The following DLG2 variants were observed in gnomAD, a reference collection of about 807,000 sequenced individuals.
The protein encoded by DLG2 is discs large MAGUK scaffold protein 2, also known as disks large homolog 2.
A neutral mutation model predicts 132.5 loss-of-function variants in DLG2; 45 were observed. That is an observed-to-expected ratio of 0.34 (90% CI 0.27 to 0.44). DLG2 has a LOEUF of 0.44. Among genes scored for constraint, DLG2 ranks in the 20% least tolerant of loss-of-function variants. DLG2 has a pLI of 1.00. For missense variants in DLG2, 1,045 were observed against 1,196.9 expected, an observed-to-expected ratio of 0.87 and a Z score of 1.87; for synonymous variants, 424 against 419.6, an observed-to-expected ratio of 1.01 and a Z score of -0.13.
intron 6 of DLG2, among the ~76,000 whole-genome samples, chr11:84,710,636 C>T (rs759122625): frequency 6.6e-5 from 10 of 151,830 alleles, no homozygotes; most frequent in Non-Finnish European, 1.3e-4. Context: ...GATATTAAGG[C>T]TGTTACAGTG....
At chr11:85,123,272 C>T (rs976134553) in intron 5 of DLG2, among the ~76,000 whole-genome samples, 21 of 151,680 alleles carry the variant, frequency 1.4e-4, no homozygotes, top group African/African-American at 4.6e-4. Context: ...CCACCATGCC[C>T]GGCCTGTATG....
intron 19 of DLG2, among the ~76,000 whole-genome samples, chr11:83,560,019 A>G (rs1159115352): frequency 1.3e-5 from 2 of 152,108 alleles, no homozygotes; most frequent in Non-Finnish European, 2.9e-5. Flanking sequence ...GGCTTTTTAT[A>G]TGTAGTCAAA....
chr11:84,008,263 T>G (rs1029288964), intron 11 of DLG2, among the ~76,000 whole-genome samples: 53 of 152,024 alleles, frequency 3.5e-4, no homozygotes, highest in African/African-American at 1.3e-3. Flanking sequence ...GTGAACTCCC[T>G]CCAGTTACTC....
At chr11:84,320,505 A>G (rs2098398601) in intron 7 of DLG2, among the ~76,000 whole-genome samples, 1 of 152,226 alleles carries the variant, frequency 6.6e-6, no homozygotes, top group East Asian at 1.9e-4. Context: ...GTCTATTCCT[A>G]TGATTGCAAA....
intron 7 of DLG2, among the ~76,000 whole-genome samples, chr11:84,496,018 T>C (rs2099182370): frequency 6.6e-6 from 1 of 152,092 alleles, no homozygotes. Flanking sequence ...AGAAGGTCAT[T>C]ATATCCTGTC....
chr11:83,823,681 AT>A (rs1436500914), intron 17 of DLG2, among the ~76,000 whole-genome samples: 1 of 148,302 alleles, frequency 6.7e-6, no homozygotes, highest in Non-Finnish European at 1.5e-5. Context: ...TCATTCGTTC[AT>A]TAAACATTTG....
At chr11:84,238,042 TAA>T (rs71036414) in intron 8 of DLG2, among the ~76,000 whole-genome samples, 1,213 of 73,156 alleles carry the variant, frequency 0.017, 7 homozygotes, top group South Asian at 0.067. Flanking sequence ...AGACTCTGCC[TAA>T]AAAAAAAAAA....
At chr11:85,410,160 G>C (rs1659238560) in intron 3 of DLG2, among the ~76,000 whole-genome samples, 2 of 151,796 alleles carry the variant, frequency 1.3e-5, no homozygotes, top group African/African-American at 4.8e-5. Context: ...AAACAAAGAG[G>C]AAATTGTACA....
chr11:83,478,692 A>AAAAG (rs1414864578), intron 22 of DLG2, among the ~76,000 whole-genome samples: 1 of 152,076 alleles, frequency 6.6e-6, no homozygotes, highest in Admixed American at 6.6e-5. Context: ...ATTTTCCATT[A>AAAAG]AAAGAACTGA....
At chr11:84,600,403 T>C (rs935575737) in intron 6 of DLG2, among the ~76,000 whole-genome samples, 2 of 152,118 alleles carry the variant, frequency 1.3e-5, no homozygotes, top group African/African-American at 4.8e-5. Context: ...TTAACTTGTA[T>C]TGGTAGTTTT....
intron 6 of DLG2, among the ~76,000 whole-genome samples, chr11:84,660,769 A>G (rs1415852495): frequency 2.0e-5 from 3 of 152,210 alleles, no homozygotes; most frequent in Non-Finnish European, 2.9e-5. Flanking sequence ...GACCCAAGCA[A>G]TAGGAAGTAC....
intron 8 of DLG2, among the ~76,000 whole-genome samples, chr11:84,219,621 C>A (rs1273077175): frequency 2.0e-5 from 3 of 152,166 alleles, no homozygotes; most frequent in Non-Finnish European, 4.4e-5. Flanking sequence ...GAACTATTTG[C>A]GGATCCATCT....
At chr11:84,208,341 C>CTTTTT (rs775828270) in intron 8 of DLG2, among the ~76,000 whole-genome samples, 4 of 122,786 alleles carry the variant, frequency 3.3e-5, no homozygotes, top group Admixed American at 8.8e-5. Flanking sequence ...TCAGAATAAA[C>CTTTTT]TTTTTTTTTT....
chr11:84,673,353 T>C (rs1475636790), intron 6 of DLG2, among the ~76,000 whole-genome samples: 1 of 152,042 alleles, frequency 6.6e-6, no homozygotes, highest in Non-Finnish European at 1.5e-5. Context: ...AGCGGTAGCA[T>C]GGTGTAGATT....
chr11:85,046,433 T>C (rs542708098), intron 6 of DLG2, among the ~76,000 whole-genome samples: 1 of 152,110 alleles, frequency 6.6e-6, no homozygotes, highest in African/African-American at 2.4e-5. Context: ...TTAAATTACC[T>C]TGACCAGTGA....
intron 8 of DLG2, among the ~76,000 whole-genome samples, chr11:84,224,828 G>A (rs889968824): frequency 1.3e-5 from 2 of 152,116 alleles, no homozygotes; most frequent in Admixed American, 6.6e-5. Context: ...ACTGAAAACA[G>A]TTTACTGAAT....
intron 19 of DLG2, among the ~76,000 whole-genome samples, chr11:83,571,088 G>T (rs1179580687): frequency 6.6e-6 from 1 of 152,044 alleles, no homozygotes; most frequent in African/African-American, 2.4e-5. Context: ...CACCATGTTG[G>T]TCAGGGTGGT....
rs936676521 is a variant in DLG2, at chr11:85,499,379, C to T, written c.40+99278G>A. On this transcript the variant is annotated intron_variant, in intron 3 of 27. Transcript: ENST00000376104. ...GATAAATTCATGGATAAATACAACC[C>T]CCAGGACTAAACCAGGAAGAAGTTT... 1.1e-4 allele frequency among the ~76,000 whole-genome samples: 16 copies of T among 151,952 alleles called. No individual in the cohort carries two copies. In the East Asian group the frequency reaches 2.3e-3, roughly 22 times the overall value.
intron 6 of DLG2, among the ~76,000 whole-genome samples, chr11:84,688,425 A>C (rs1201678357): frequency 6.6e-6 from 1 of 152,202 alleles, no homozygotes; most frequent in Non-Finnish European, 1.5e-5. Flanking sequence ...TTGGCATCAA[A>C]GGTATGTGAT....
Sources: gnomAD v4.1 joint callset for allele counts (sites outside exome capture counted in the v4.1 genomes callset) on GRCh38, gnomAD v4.1.1 for gene constraint, MANE v1.5 for transcripts, NCBI Gene and HGNC (gene_info 2026-07-23, HGNC 2026-07-21) for gene names.